AP1AR: variants seen among roughly 807,000 people sequenced by gnomAD.
AP1AR encodes adaptor related protein complex 1 associated regulatory protein, also known as AP-1 complex-associated regulatory protein.
A neutral mutation model predicts 46.3 loss-of-function variants in AP1AR; 29 were observed. That is an observed-to-expected ratio of 0.63 (90% CI 0.47 to 0.85). The LOEUF is 0.85. AP1AR is among the 40% of genes least tolerant of loss of function. The pLI, the probability that AP1AR is intolerant of heterozygous loss-of-function variation, is 0.00. For missense variants in AP1AR, 357 were observed against 356.3 expected (o/e 1.00, Z -0.02); for synonymous variants, 122 against 122.9 (o/e 0.99, Z 0.05).
Position 112,268,596 on chromosome 4 carries a change from A to C in AP1AR, c.*187A>C. 2.1e-6 allele frequency: 1 copy of C among 474,176 alleles called. No individual in the cohort carries two copies. The highest frequency in any genetic ancestry group is 5.8e-4 in the Middle Eastern group (1 of 1,732). The allele number at this position is 474,176 out of a possible 1,614,324, so 29.4% of individuals were successfully genotyped here. On this transcript the variant is annotated 3_prime_UTR_variant, in exon 10 of 10. Transcript: ENST00000274000. ...TTGATACAGAATTAAGTGCAATTTCATCATCTGCCTTCTGCTTTTCAAGAC... is the reference window on the plus strand; with the variant it reads ...TTGATACAGAATTAAGTGCAATTTCCTCATCTGCCTTCTGCTTTTCAAGAC...
At chr4:112,261,261 C>T (rs922104367) in intron 5 of AP1AR, among the ~76,000 whole-genome samples, 6 of 152,012 alleles carry the variant, frequency 3.9e-5, no homozygotes, top group Admixed American at 1.3e-4. Context: ...GGCAAAACCC[C>T]GTCTCTACAA....
chr4:112,257,139 TC>T (rs1726233029), intron 3 of AP1AR, among the ~76,000 whole-genome samples: 1 of 152,072 alleles, frequency 6.6e-6, no homozygotes, highest in South Asian at 2.1e-4. Context: ...TAAACAGAAA[TC>T]ACCAGCAAAA....
intron 1 of AP1AR, among the ~76,000 whole-genome samples, chr4:112,234,464 T>C (rs1168672651): frequency 6.6e-6 from 1 of 152,182 alleles, no homozygotes; most frequent in East Asian, 1.9e-4. Context: ...GACACTGTCA[T>C]CTAAAATTAT....
chr4:112,254,686 C>A (rs1484921837), intron 2 of AP1AR, 61 bp from the exon 3 acceptor site: 3 of 1,058,442 alleles, frequency 2.8e-6, no homozygotes, highest in African/African-American at 3.3e-5. Context: ...AACATAATTT[C>A]TTGTGAGATG....
At chr4:112,232,407 G>T (rs1173416842) in intron 1 of AP1AR, among the ~76,000 whole-genome samples, 7 of 152,232 alleles carry the variant, frequency 4.6e-5, no homozygotes, top group Non-Finnish European at 2.9e-5. Flanking sequence ...TCCTGCCAGG[G>T]CGCCCTGTCA....
At chr4:112,264,857 T>G in intron 6 of AP1AR, 152 bp from the exon 7 acceptor site, 1 of 590,698 alleles carries the variant, frequency 1.7e-6, no homozygotes, top group East Asian at 3.0e-5. Flanking sequence ...GATATAGAAT[T>G]GAATAGTGAT....
chr4:112,235,286 T>C (rs1725192383), intron 1 of AP1AR, among the ~76,000 whole-genome samples: 1 of 152,220 alleles, frequency 6.6e-6, no homozygotes. Context: ...GAAGACCCAA[T>C]TAAGTTTTGT....
intron 1 of AP1AR, among the ~76,000 whole-genome samples, chr4:112,241,652 T>C (rs544720370): frequency 2.0e-5 from 3 of 152,338 alleles, no homozygotes; most frequent in African/African-American, 7.2e-5. Context: ...GCACCAGATA[T>C]AATGTTTAGC....
In AP1AR at chr4:112,234,163, G is replaced by A. The variant is rs372621886; in HGVS notation, c.83+1989G>A. Among the ~76,000 whole-genome samples the A allele has an allele frequency of 3.0e-4, 45 of 152,250 alleles. No individual in the cohort carries two copies. The East Asian group carries it at 5.4e-3, about 18-fold the overall frequency. On this transcript the variant is annotated intron_variant, in intron 1 of 9. Coordinates refer to ENST00000274000, the MANE Select transcript of AP1AR (RefSeq NM_018569.6). The stretch of plus-strand genomic sequence containing the variant: ...CATGAGCCACCGCGCCCGGCCAGCA[G>A]GTTGAGTATTTCTTATCTGAAATAC...
At chr4:112,264,743 A>G (rs1343688167) in intron 6 of AP1AR, among the ~76,000 whole-genome samples, 1 of 152,096 alleles carries the variant, frequency 6.6e-6, no homozygotes, top group Non-Finnish European at 1.5e-5. Context: ...ATATCAATAC[A>G]TATCTGTTAA....
intron 2 of AP1AR, among the ~76,000 whole-genome samples, chr4:112,253,936 A>G (rs187879031): frequency 1.4e-4 from 22 of 152,342 alleles, no homozygotes; most frequent in Non-Finnish European, 1.6e-4. Context: ...GGCAGGAATT[A>G]GATATTTAAA....
intron 9 of AP1AR, 77 bp downstream of exon 9, chr4:112,266,793 T>G (rs1726729081): frequency 8.1e-6 from 11 of 1,357,798 alleles, no homozygotes; most frequent in African/African-American, 1.5e-5. Context: ...CCTTGGTCTT[T>G]ATTTAAATGG....
chr4:112,265,672 A>AT lies in AP1AR; in HGVS notation c.441-61dup, dbSNP rs1308902204. 7 of 1,226,282 alleles carry AT rather than the reference A, an allele frequency of 5.7e-6. No individual in the cohort carries two copies. The South Asian group carries it at 6.5e-5, about 11-fold the overall frequency. The allele number at this position is 1,226,282 out of a possible 1,614,324, so 76.0% of individuals were successfully genotyped here. ...CAAGCCACAATGCCATCATTAGCTT[A>AT]TATATTTGTCATATTGCAGCTACCA... On this transcript the variant is annotated intron_variant, in intron 7 of 9. Transcript: ENST00000274000.
intron 1 of AP1AR, among the ~76,000 whole-genome samples, chr4:112,235,558 A>T (rs75685364): frequency 1.3e-5 from 2 of 152,248 alleles, no homozygotes; most frequent in East Asian, 3.9e-4. Flanking sequence ...GCACTGTTCT[A>T]AGTACTTTAT....
chr4:112,250,523 A>G (rs1240856947), intron 1 of AP1AR, among the ~76,000 whole-genome samples: 1 of 152,234 alleles, frequency 6.6e-6, no homozygotes, highest in Non-Finnish European at 1.5e-5. Context: ...TGAGGGTCCT[A>G]TTCAGTCATC....
At chr4:112,253,342 C>A in intron 2 of AP1AR, 86 bp downstream of exon 2, 2 of 980,528 alleles carry the variant, frequency 2.0e-6, no homozygotes, top group Non-Finnish European at 3.2e-6. Context: ...AAGATCTGGA[C>A]CCAAATTTAG....
chr4:112,265,926 T>C, intron 8 of AP1AR, 119 bp downstream of exon 8: 1 of 629,028 alleles, frequency 1.6e-6, no homozygotes, highest in Non-Finnish European at 2.7e-6. Flanking sequence ...CCCAGATAGG[T>C]CAATTTCCTA....
intron 7 of AP1AR, chr4:112,265,332 T>A (rs1726654517): frequency 2.6e-6 from 1 of 384,612 alleles, no homozygotes; most frequent in Non-Finnish European, 4.6e-6. Context: ...TGCCTTTGGG[T>A]GAGTTGTTTA....
Position 112,271,038 on chromosome 4 carries a change from T to C in AP1AR, c.*2629T>C. Among the ~76,000 whole-genome samples the C allele has an allele frequency of 6.6e-6, 1 of 152,164 alleles. No homozygotes were observed. ...TAGAGGTAGAATCATCAGGATTTTC[T>C]GATGGGTTGGATATAAGACTAAAGG... On this transcript the variant is annotated 3_prime_UTR_variant, in exon 10 of 10. Coordinates refer to ENST00000274000, the MANE Select transcript of AP1AR (RefSeq NM_018569.6).
Sources: gnomAD v4.1 joint callset for allele counts (sites outside exome capture counted in the v4.1 genomes callset) on GRCh38, gnomAD v4.1.1 for gene constraint, MANE v1.5 for transcripts, NCBI Gene and HGNC (gene_info 2026-07-23, HGNC 2026-07-21) for gene names.